RPS6KL1: variants seen among roughly 807,000 people sequenced by gnomAD.
RPS6KL1 encodes the protein ribosomal protein S6 kinase like 1.
A neutral mutation model predicts 57.0 loss-of-function variants in RPS6KL1; 41 were observed. That is an observed-to-expected ratio of 0.72 (90% CI 0.56 to 0.93). The LOEUF (loss-of-function observed/expected upper bound fraction) is 0.93, where lower values mean the gene tolerates loss of function less well. Among genes scored for constraint, RPS6KL1 ranks in the 40% least tolerant of loss-of-function variants. RPS6KL1 has a pLI of 0.00. For missense variants in RPS6KL1, 697 were observed against 727.7 expected (o/e 0.96, Z 0.49); for synonymous variants, 287 against 309.7 (o/e 0.93, Z 0.77).
intron 10 of RPS6KL1, among the ~76,000 whole-genome samples, chr14:74,908,125 C>A (rs1335736891): frequency 6.6e-6 from 1 of 152,116 alleles, no homozygotes; most frequent in Non-Finnish European, 1.5e-5. Context: ...CCAGGACTTT[C>A]GGGACCCCGT....
chr14:74,909,424 G>A (rs946131025), intron 8 of RPS6KL1, 119 bp downstream of exon 8: 3 of 1,346,564 alleles, frequency 2.2e-6, no homozygotes, highest in African/African-American at 1.5e-5. Flanking sequence ...CCCCTGAAAG[G>A]CTGGCTGGGG....
At position 74,904,405 on chromosome 14, in the gene RPS6KL1, G is replaced by A. The variant is rs1200470294; in HGVS notation, c.*2609C>T. 6.6e-6 allele frequency: 1 copy of A among 152,218 alleles called. No homozygotes were observed. Among genetic ancestry groups the A allele is most frequent in the African/African-American group, 2.4e-5 (1 of 41,450 alleles). 9.4% of individuals were successfully genotyped at this position (152,218 alleles called of 1,614,324 possible). A position where few individuals can be genotyped will look rare whatever the true frequency, so the allele number is the denominator to read the frequency against. On this transcript the variant is annotated 3_prime_UTR_variant, in exon 12 of 12. Coordinates refer to ENST00000557413, the MANE Select transcript of RPS6KL1 (RefSeq NM_031464.5). The stretch of plus-strand genomic sequence containing the variant: ...AACAGTAATTCCAAAAGGGAGGGGA[G>A]TATAATGAGGAATGGCTGGCTCCCT...
At chr14:74,911,874 G>A (rs1886064195) in intron 5 of RPS6KL1, 33 bp from the exon 6 acceptor site, 1 of 1,547,626 alleles carries the variant, frequency 6.5e-7, no homozygotes, top group African/African-American at 1.4e-5. Flanking sequence ...GGTTAAGGCA[G>A]GTACTAGCTC....
At chr14:74,909,302 G>A in intron 8 of RPS6KL1, 112 bp from the exon 9 acceptor site, 1 of 1,162,236 alleles carries the variant, frequency 8.6e-7, no homozygotes, top group Non-Finnish European at 1.3e-6. Context: ...TGGCCTTGCT[G>A]GGCAGAAACT....
chr14:74,915,875 C>T (rs934043136), intron 5 of RPS6KL1, among the ~76,000 whole-genome samples: 2 of 152,198 alleles, frequency 1.3e-5, no homozygotes, highest in East Asian at 1.9e-4. Flanking sequence ...CTTGGATGAC[C>T]TTCTTTTTCT....
chr14:74,921,677 G>T, intron 2 of RPS6KL1, 116 bp from the exon 3 acceptor site: 1 of 1,460,354 alleles, frequency 6.8e-7, no homozygotes, highest in Non-Finnish European at 9.0e-7. Flanking sequence ...AGACTGAAGG[G>T]GTCAGAGCTA....
At chr14:74,918,665 C>T in intron 4 of RPS6KL1, 60 bp from the exon 5 acceptor site, 2 of 1,316,526 alleles carry the variant, frequency 1.5e-6, no homozygotes, top group Non-Finnish European at 2.1e-6. Context: ...TTGGCCATGG[C>T]CTTCTCACCA....
At chr14:74,911,885 C>G in intron 5 of RPS6KL1, 44 bp from the exon 6 acceptor site, 2 of 1,536,476 alleles carry the variant, frequency 1.3e-6, no homozygotes, top group Non-Finnish European at 1.8e-6. Context: ...GTACTAGCTC[C>G]TGGGGCTCCG....
intron 5 of RPS6KL1, among the ~76,000 whole-genome samples, chr14:74,914,195 G>C (rs1886477803): frequency 6.6e-6 from 1 of 152,236 alleles, no homozygotes; most frequent in Non-Finnish European, 1.5e-5. Context: ...TCCTCCAACA[G>C]CCAGAGACCG....
chr14:74,918,940 C>G (rs926872700), intron 4 of RPS6KL1, among the ~76,000 whole-genome samples: 1 of 152,180 alleles, frequency 6.6e-6, no homozygotes, highest in African/African-American at 2.4e-5. Context: ...CTTTGGGAGG[C>G]CGAGGCGGGC....
chr14:74,906,772 T>C lies in RPS6KL1; in HGVS notation c.*242A>G, dbSNP rs10134885. 179,584 of 668,530 alleles carry C rather than the reference T, an allele frequency of 0.27. 27,845 individuals carry two copies. The highest frequency in any genetic ancestry group is 0.54 in the African/African-American group (30,125 of 56,298). The allele number at this position is 668,530 out of a possible 1,614,324, so 41.4% of individuals were successfully genotyped here. On this transcript the variant is annotated 3_prime_UTR_variant, in exon 12 of 12. Transcript: ENST00000557413. ...ACGGGTCTGTTGACTGATGGGTAGA[T>C]GGTTCAAGCTGCTTAGCAGGGCAAG... is the stretch of plus-strand genomic sequence containing the variant.
In RPS6KL1 at chr14:74,911,255, A is replaced by G. The variant is rs775903892; in HGVS notation, c.657T>C (p.His219=). 1.2e-6 allele frequency: 2 copies of G among 1,612,064 alleles called. No individual in the cohort carries two copies. The highest frequency in any genetic ancestry group is 1.7e-6 in the Non-Finnish European group (2 of 1,179,960). ...GGCCCCAGGCCTGCTCACCTTGCACATGCTCCAGGTGCAGGAAGATGGAGT... is the reference window on the plus strand; with the variant it reads ...GGCCCCAGGCCTGCTCACCTTGCACGTGCTCCAGGTGCAGGAAGATGGAGT... ...SEDSIFLHLE[H]VQGGTLWSHL... is the part of the protein sequence containing the mutation. Residue 219 remains histidine (H), a synonymous_variant, in exon 7 of 12, where the codon CAT becomes CAC. Transcript: ENST00000557413.
chr14:74,907,084 T>C lies in RPS6KL1; in HGVS notation c.1580A>G (p.Glu527Gly). 1 of 1,613,702 alleles carries C rather than the reference T, an allele frequency of 6.2e-7. No homozygotes were observed. Among genetic ancestry groups the C allele is most frequent in the South Asian group, 1.1e-5 (1 of 90,966 alleles). Residue 527 changes from glutamate to glycine, a missense_variant, in exon 12 of 12, where the codon GAA (glutamate) becomes GGA (glycine). Coordinates refer to ENST00000557413, the MANE Select transcript of RPS6KL1 (RefSeq NM_031464.5). ...FEPTRRLGMG[E>G]GGVSKLKSHP... ...GGACTTGAGTTTGCTGACACCACCT[T>C]CTCCCATGCCCAGGCGCCGGGTAGG...
chr14:74,911,624 T>C, intron 6 of RPS6KL1, 170 bp downstream of exon 6: 2 of 666,010 alleles, frequency 3.0e-6, no homozygotes, highest in Non-Finnish European at 5.2e-6. Context: ...TGTATGTGTG[T>C]GTGTGCATGC....
At chr14:74,920,231 A>G (rs1329944382) in intron 3 of RPS6KL1, among the ~76,000 whole-genome samples, 2 of 152,078 alleles carry the variant, frequency 1.3e-5, no homozygotes, top group Non-Finnish European at 2.9e-5. Flanking sequence ...ATTAGCACCC[A>G]CCGCCTTGCT....
At chr14:74,920,027 C>T in intron 3 of RPS6KL1, 58 bp from the exon 4 acceptor site, 1 of 1,608,082 alleles carries the variant, frequency 6.2e-7, no homozygotes, top group Admixed American at 1.7e-5. Flanking sequence ...GCTGGAGTTC[C>T]AGCTCCCATT....
intron 5 of RPS6KL1, among the ~76,000 whole-genome samples, chr14:74,916,617 G>A (rs138879272): frequency 6.6e-6 from 1 of 152,160 alleles, no homozygotes; most frequent in Non-Finnish European, 1.5e-5. Context: ...GTAGGTCGAG[G>A]CTGCAGTGAG....
chr14:74,905,813 G>A lies in RPS6KL1; in HGVS notation c.*1201C>T, dbSNP rs1431658460. On this transcript the variant is annotated 3_prime_UTR_variant, in exon 12 of 12. Coordinates refer to ENST00000557413, the MANE Select transcript of RPS6KL1 (RefSeq NM_031464.5). ...CATGAGTGAGGGGTCTGGTCTGACA[G>A]TTGGGCCTTCAGAGCCAGGCACGTG... The A allele has an allele frequency of 6.5e-6, 1 of 152,720 alleles. No homozygotes were observed. The highest frequency in any genetic ancestry group is 1.5e-5 in the Non-Finnish European group (1 of 68,428). 9.5% of individuals were successfully genotyped at this position (152,720 alleles called of 1,614,324 possible).
rs559466508 is a variant in RPS6KL1, at chr14:74,907,112, C to T, written c.1552G>A (p.Glu518Lys). ...CCCATGCCCAGGCGCCGGGTAGGCT[C>T]GAACTGCAGCAGCTGCAGAGAGAGG... The part of the protein sequence containing the change: ...ASLLTELLQF[E>K]PTRRLGMGEG... Residue 518 changes from glutamate (E) to lysine (K), a missense_variant, in exon 12 of 12, where the codon GAG becomes AAG. Transcript: ENST00000557413. 8 of 1,611,202 alleles carry T rather than the reference C, an allele frequency of 5.0e-6. No individual in the cohort carries two copies. The highest frequency in any genetic ancestry group is 4.0e-5 in the African/African-American group (3 of 74,950).
Sources: gnomAD v4.1 joint callset for allele counts (sites outside exome capture counted in the v4.1 genomes callset) on GRCh38, gnomAD v4.1.1 for gene constraint, MANE v1.5 for transcripts, NCBI Gene and HGNC (gene_info 2026-07-23, HGNC 2026-07-21) for gene names.